Variants in TSPAN15 observed in about 807,000 individuals in gnomAD.
TSPAN15 encodes the protein tetraspanin 15.
A neutral mutation model predicts 34.5 loss-of-function variants in TSPAN15; 20 were observed. The observed-to-expected ratio is 0.58, with a 90% CI of 0.41 to 0.84. The LOEUF (loss-of-function observed/expected upper bound fraction) is 0.84, where lower values mean the gene tolerates loss of function less well. Among genes scored for constraint, TSPAN15 ranks in the 40% least tolerant of loss-of-function variants. The pLI is 0.00. For synonymous variants in TSPAN15, 155 were observed against 153.9 expected (o/e 1.01, Z -0.05); for missense variants, 313 against 386.1 (o/e 0.81, Z 1.59).
At chr10:69,511,784 A>G (rs1455664086), downstream of TSPAN15, among the ~76,000 whole-genome samples, 1 of 152,058 alleles carries the variant, frequency 6.6e-6, no homozygotes, top group Non-Finnish European at 1.5e-5. Flanking sequence ...CTTTGTTCTC[A>G]TTGCAGGGAC....
chr10:69,485,656 C>A (rs1841836391), intron 3 of TSPAN15, among the ~76,000 whole-genome samples: 1 of 151,974 alleles, frequency 6.6e-6, no homozygotes, highest in African/African-American at 2.4e-5. Flanking sequence ...GTGACAGGAG[C>A]CTTTGGAGAG....
chr10:69,543,176 G>A, the TSPAN15 span, among the ~76,000 whole-genome samples: 7 of 152,110 alleles, frequency 4.6e-5, no homozygotes, highest in Admixed American at 2.6e-4. Flanking sequence ...GAATGCATTC[G>A]TCTGTGGTTC....
intron 1 of TSPAN15, among the ~76,000 whole-genome samples, chr10:69,454,372 G>T (rs935810588): frequency 1.1e-4 from 17 of 152,126 alleles, no homozygotes; most frequent in African/African-American, 3.4e-4. Flanking sequence ...ACAAAAATTA[G>T]CCAGGCGTGG....
the TSPAN15 span, among the ~76,000 whole-genome samples, chr10:69,537,199 G>T: frequency 3.9e-5 from 6 of 152,130 alleles, no homozygotes; most frequent in Admixed American, 6.5e-5. Context: ...GGACCAGGCT[G>T]CAGGGCAACA....
At chr10:69,544,748 G>A in the TSPAN15 span, among the ~76,000 whole-genome samples, 3 of 152,184 alleles carry the variant, frequency 2.0e-5, no homozygotes, top group African/African-American at 7.2e-5. Context: ...AGAGGCCTGG[G>A]GGAGGTGGAA....
chr10:69,488,755 C>T (rs1012704895), intron 3 of TSPAN15, among the ~76,000 whole-genome samples: 3 of 152,096 alleles, frequency 2.0e-5, no homozygotes, highest in Admixed American at 1.3e-4. Flanking sequence ...AGATCACATG[C>T]TTCAAAGGGC....
chr10:69,505,689 C>A (rs1842310349), intron 6 of TSPAN15, among the ~76,000 whole-genome samples: 1 of 152,064 alleles, frequency 6.6e-6, no homozygotes, highest in African/African-American at 2.4e-5. Flanking sequence ...ACTGCAGGCA[C>A]TGGCCACCAT....
At chr10:69,484,999 G>C (rs763226337) in intron 2 of TSPAN15, 142 bp from the exon 3 acceptor site, 53 of 755,562 alleles carry the variant, frequency 7.0e-5, no homozygotes, top group Non-Finnish European at 1.1e-4. Flanking sequence ...ACAGGAGGAG[G>C]GGGCAGAGGC....
chr10:69,505,963 A>G (rs1406979549), intron 6 of TSPAN15, 161 bp from the exon 7 acceptor site: 8 of 609,642 alleles, frequency 1.3e-5, no homozygotes, highest in Non-Finnish European at 2.0e-5. Context: ...CTGTCCATTA[A>G]GAATCAGAAT....
At chr10:69,534,585 A>G in the TSPAN15 span, among the ~76,000 whole-genome samples, 1 of 152,146 alleles carries the variant, frequency 6.6e-6, no homozygotes, top group Non-Finnish European at 1.5e-5. Context: ...AAAGCAAATG[A>G]GTGTTTATGA....
chr10:69,456,700 G>T (rs1487936497), intron 1 of TSPAN15, among the ~76,000 whole-genome samples: 2 of 152,200 alleles, frequency 1.3e-5, no homozygotes, highest in South Asian at 4.1e-4. Context: ...AGGTTGGCAA[G>T]TGCTTGAGGG....
intron 1 of TSPAN15, among the ~76,000 whole-genome samples, chr10:69,454,936 G>A (rs151175574): frequency 2.6e-5 from 4 of 152,238 alleles, no homozygotes; most frequent in Admixed American, 6.5e-5. Context: ...AGGCTGAGGC[G>A]GGCGGATCGT....
At chr10:69,498,528 A>T in intron 5 of TSPAN15, 132 bp downstream of exon 5, 2 of 704,000 alleles carry the variant, frequency 2.8e-6, no homozygotes, top group Non-Finnish European at 4.8e-6. Context: ...TTGGTGGCAG[A>T]GCGGAGGCTT....
intron 1 of TSPAN15, among the ~76,000 whole-genome samples, chr10:69,457,081 C>T (rs1841127898): frequency 6.6e-6 from 1 of 152,222 alleles, no homozygotes; most frequent in African/African-American, 2.4e-5. Flanking sequence ...GACACATGCG[C>T]CCTCAGCCCA....
chr10:69,507,614 TCCCCCAA>T lies in TSPAN15; in HGVS notation c.*639_*645del, dbSNP rs1457120995. On this transcript the variant is annotated 3_prime_UTR_variant, in exon 8 of 8. Coordinates refer to ENST00000373290, the MANE Select transcript of TSPAN15 (RefSeq NM_012339.5). ...TCCCCGCATGTCTTATTCTTGCCCT[TCCCCCAA>T]CCAGTTTGTTAATCAAACAATAAAA... The T allele has an allele frequency of 3.9e-6, 5 of 1,297,984 alleles. No individual in the cohort carries two copies. Among genetic ancestry groups the T allele is most frequent in the Non-Finnish European group, 5.1e-6 (5 of 986,454 alleles). 80.4% of individuals were successfully genotyped at this position (1,297,984 alleles called of 1,614,324 possible).
chr10:69,539,545 GAGA>G, the TSPAN15 span, among the ~76,000 whole-genome samples: 4 of 60,732 alleles, frequency 6.6e-5, no homozygotes, highest in East Asian at 5.3e-4. Context: ...GAAGGAGAAG[GAGA>G]AGGAGAAGGA....
At chr10:69,501,979 C>T (rs929762866) in intron 5 of TSPAN15, among the ~76,000 whole-genome samples, 1 of 151,998 alleles carries the variant, frequency 6.6e-6, no homozygotes, top group African/African-American at 2.4e-5. Context: ...CACCCCCCAC[C>T]CCCCCGCACC....
intron 3 of TSPAN15, among the ~76,000 whole-genome samples, chr10:69,491,694 T>TA (rs577449420): frequency 1.6e-4 from 25 of 152,346 alleles, no homozygotes; most frequent in Non-Finnish European, 2.9e-4. Context: ...AGGCCTGCAC[T>TA]AGGCCAGCAG....
chr10:69,538,283 G>A, the TSPAN15 span, among the ~76,000 whole-genome samples: 659 of 152,278 alleles, frequency 4.3e-3, 5 homozygotes, highest in African/African-American at 0.014. Context: ...AATGTGGGTC[G>A]GAGAAAGAGG....
Sources: gnomAD v4.1 joint callset for allele counts (sites outside exome capture counted in the v4.1 genomes callset) on GRCh38, gnomAD v4.1.1 for gene constraint, MANE v1.5 for transcripts, NCBI Gene and HGNC (gene_info 2026-07-23, HGNC 2026-07-21) for gene names.